The following TNRC6B variants were observed in gnomAD, a reference collection of about 807,000 sequenced individuals.
TNRC6B encodes the protein trinucleotide repeat-containing gene 6B protein.
Under a neutral mutation model 203.6 loss-of-function variants are expected in TNRC6B, and 52 were observed. The ratio of observed to expected loss-of-function variants is 0.26; its 90% CI spans 0.20 to 0.32. The LOEUF is 0.32. TNRC6B is among the 10% of genes least tolerant of loss of function. The probability of loss-of-function intolerance (pLI) is 1.00; values close to 1 mark genes in which losing one functional copy is unlikely to be tolerated. For missense variants in TNRC6B, 1,923 were observed against 2,286.2 expected, an observed-to-expected ratio of 0.84 and a Z score of 3.24; for synonymous variants, 838 against 845.7, an observed-to-expected ratio of 0.99 and a Z score of 0.16.
At chr22:40,168,221 T>G (rs1019373720) in intron 4 of TNRC6B, among the ~76,000 whole-genome samples, 1 of 152,230 alleles carries the variant, frequency 6.6e-6, no homozygotes, top group African/African-American at 2.4e-5. Context: ...TTCATAGTAT[T>G]CATCCATTCA....
rs560831588 is a variant in TNRC6B, at chr22:40,242,710, G to A, written c.6-3305G>A. Among the ~76,000 whole-genome samples the A allele has an allele frequency of 2.6e-4, 39 of 152,116 alleles. No individual in the cohort carries two copies. The South Asian group carries it at 7.5e-3, about 29-fold the overall frequency. ...CTCCCAAAGTGCTGGAATTACAGGC[G>A]TGAGCCACCGCGCCCGTCCCTATTA... On this transcript the variant is annotated intron_variant, in intron 1 of 22. Coordinates refer to ENST00000454349, the MANE Select transcript of TNRC6B (RefSeq NM_001162501.2).
At chr22:40,296,014 C>T (rs2070934312) in intron 12 of TNRC6B, among the ~76,000 whole-genome samples, 1 of 152,130 alleles carries the variant, frequency 6.6e-6, no homozygotes, top group African/African-American at 2.4e-5. Context: ...TAATGACACC[C>T]ATCTTTCCTG....
At chr22:40,136,371 T>TTGTGTGTGTGTG (rs56246561) in intron 3 of TNRC6B, among the ~76,000 whole-genome samples, 11,728 of 140,912 alleles carry the variant, frequency 0.083, 627 homozygotes, top group South Asian at 0.19. Flanking sequence ...TATGTTTATC[T>TTGTGTGTGTGTG]TGTGTGTGTG....
upstream of TNRC6B, chr22:40,177,879 C>T (rs1277942053): frequency 1.5e-6 from 2 of 1,318,352 alleles, no homozygotes; most frequent in Non-Finnish European, 9.6e-7. Flanking sequence ...TACCCGAAGT[C>T]ACATGATCTG....
chr22:40,122,792 C>T (rs953461161), intron 2 of TNRC6B, among the ~76,000 whole-genome samples: 3 of 152,168 alleles, frequency 2.0e-5, no homozygotes, highest in African/African-American at 7.2e-5. Context: ...TCTCCATGTA[C>T]TTATTAAGTA....
chr22:40,050,429 C>T (rs932171892), intron 1 of TNRC6B, among the ~76,000 whole-genome samples: 3 of 152,176 alleles, frequency 2.0e-5, no homozygotes, highest in Non-Finnish European at 2.9e-5. Context: ...TCAAATTGCC[C>T]AAGCCTTTTC....
At chr22:40,152,859 G>A (rs1313209969) in intron 3 of TNRC6B, among the ~76,000 whole-genome samples, 1 of 151,980 alleles carries the variant, frequency 6.6e-6, no homozygotes, top group Non-Finnish European at 1.5e-5. Flanking sequence ...CCAGCACTTT[G>A]GGAGGCTGAG....
chr22:40,245,653 A>G (rs189938118), intron 1 of TNRC6B, among the ~76,000 whole-genome samples: 3 of 152,206 alleles, frequency 2.0e-5, no homozygotes, highest in Non-Finnish European at 4.4e-5. Context: ...AATACTGCCC[A>G]GAAGCCATCT....
intron 1 of TNRC6B, 27 bp downstream of exon 1, chr22:40,178,167 A>G (rs1194319287): frequency 6.2e-7 from 1 of 1,612,510 alleles, no homozygotes; most frequent in South Asian, 1.1e-5. Context: ...AATTTTTTTT[A>G]ACCAATTGAT....
At chr22:40,183,652 C>G (rs777466342) in intron 1 of TNRC6B, among the ~76,000 whole-genome samples, 1 of 151,900 alleles carries the variant, frequency 6.6e-6, no homozygotes, top group Non-Finnish European at 1.5e-5. Flanking sequence ...ATTCTGGGCC[C>G]ACACATGTAA....
intron 12 of TNRC6B, among the ~76,000 whole-genome samples, chr22:40,293,946 G>GA (rs1019461239): frequency 2.8e-3 from 360 of 128,338 alleles, no homozygotes; most frequent in African/African-American, 5.5e-3. Context: ...GCTCTACCTA[G>GA]AAAAAAAAAA....
At chr22:40,066,732 A>G (rs1458409708) in intron 1 of TNRC6B, among the ~76,000 whole-genome samples, 1 of 152,038 alleles carries the variant, frequency 6.6e-6, no homozygotes, top group Non-Finnish European at 1.5e-5. Flanking sequence ...TTGCTGGTAT[A>G]TATTATTGTT....
intron 1 of TNRC6B, among the ~76,000 whole-genome samples, chr22:40,209,663 A>G (rs1051038535): frequency 5.9e-5 from 9 of 152,128 alleles, no homozygotes; most frequent in African/African-American, 2.2e-4. Context: ...TTTTCACTTG[A>G]ATACTCTGAG....
At chr22:40,255,525 C>A (rs572727000) in intron 3 of TNRC6B, among the ~76,000 whole-genome samples, 4 of 152,190 alleles carry the variant, frequency 2.6e-5, no homozygotes, top group African/African-American at 9.7e-5. Flanking sequence ...ACTGTGTGTT[C>A]TAACACAGTG....
At chr22:40,321,010 G>C in intron 21 of TNRC6B, 80 bp from the exon 22 acceptor site, 3 of 1,549,074 alleles carry the variant, frequency 1.9e-6, no homozygotes, top group Non-Finnish European at 2.6e-6. Flanking sequence ...CTAGGTCTCA[G>C]CCAGTGCTTT....
chr22:40,053,681 T>C (rs1361452107), intron 1 of TNRC6B, among the ~76,000 whole-genome samples: 1 of 152,220 alleles, frequency 6.6e-6, no homozygotes, highest in Admixed American at 6.5e-5. Flanking sequence ...GCACATACTG[T>C]ACTGTGTCTG....
At chr22:40,203,082 G>T (rs2069434924) in intron 1 of TNRC6B, among the ~76,000 whole-genome samples, 1 of 152,082 alleles carries the variant, frequency 6.6e-6, no homozygotes, top group African/African-American at 2.4e-5. Context: ...AAAAAATGCT[G>T]GCCACTGATC....
At chr22:40,132,001 GT>G (rs2068549213) in intron 3 of TNRC6B, among the ~76,000 whole-genome samples, 1 of 152,178 alleles carries the variant, frequency 6.6e-6, no homozygotes, top group South Asian at 2.1e-4. Context: ...AATTAACAGA[GT>G]TACCCATGGA....
At position 40,266,988 on chromosome 22, in the gene TNRC6B, C is replaced by A; in HGVS notation, c.2758C>A (p.Pro920Thr). The A allele has an allele frequency of 6.2e-7, 1 of 1,611,384 alleles. No individual in the cohort carries two copies. Among genetic ancestry groups the A allele is most frequent in the South Asian group, 1.1e-5 (1 of 90,632 alleles). Reference protein sequence around the residue: ...WDKNSQGGPAPREPNLPTPMT... With the variant: ...WDKNSQGGPATREPNLPTPMT... ...TAAGAATTCCCAAGGGGGCCCAGCA[C>A]CTCGAGAACCAAACCTGCCCACCCC... The change falls in exon 5 of 23, where the codon CCT (proline) becomes ACT (threonine). Residue 920 changes from proline (P) to threonine (T), a missense_variant. Physicochemically the swap from Pro to Thr is conservative, Grantham distance 38 (BLOSUM62 -1). Around this residue, in one of 8 missense-constraint regions of TNRC6B, gnomAD observed 599 missense variants for 656.5 expected, o/e 0.91. Transcript: ENST00000454349.
Sources: allele counts gnomAD v4.1 joint callset (sites outside exome capture counted in the v4.1 genomes callset), GRCh38; gene constraint gnomAD v4.1.1; regional missense constraint gnomAD v4.1.1; transcripts MANE v1.5; gene names NCBI Gene and HGNC (gene_info 2026-07-23, HGNC 2026-07-21).